Variants in ZNF577 observed in about 807,000 individuals in gnomAD.
The protein encoded by ZNF577 is zinc finger protein 577.
A neutral mutation model predicts 13.9 loss-of-function variants in ZNF577; 14 were observed. The observed-to-expected ratio is 1.00, with a 90% CI of 0.66 to 1.57. ZNF577 has a LOEUF of 1.57. Among genes scored for constraint, ZNF577 ranks in the 40% most tolerant of loss-of-function variants. The probability of loss-of-function intolerance (pLI) is 0.00; values close to 1 mark genes in which losing one functional copy is unlikely to be tolerated. For missense variants in ZNF577, 555 were observed against 579.2 expected, an observed-to-expected ratio of 0.96 and a Z score of 0.43; for synonymous variants, 203 against 202.9, an observed-to-expected ratio of 1.00 and a Z score of 0.00.
At chr19:51,860,913 G>C (rs907828318) in intron 5 of ZNF577, 5 of 410,850 alleles carry the variant, frequency 1.2e-5, no homozygotes, top group Non-Finnish European at 1.9e-5. Context: ...CCTGCAATGA[G>C]GTGTGATTCT....
chr19:51,818,407 T>C (rs771258479), intron 9 of ZNF577, among the ~76,000 whole-genome samples: 4 of 152,180 alleles, frequency 2.6e-5, no homozygotes, highest in South Asian at 2.1e-4. Flanking sequence ...TGTGTTTCCA[T>C]TGGACAGTGC....
intron 1 of ZNF577, among the ~76,000 whole-genome samples, chr19:51,881,938 A>G (rs1489182369): frequency 6.6e-6 from 1 of 152,176 alleles, no homozygotes; most frequent in Non-Finnish European, 1.5e-5. Flanking sequence ...GTCATTCTCA[A>G]GACTCTCTAG....
chr19:51,853,925 G>T (rs10424176), intron 5 of ZNF577, among the ~76,000 whole-genome samples: 1 of 151,908 alleles, frequency 6.6e-6, no homozygotes, highest in African/African-American at 2.4e-5. Context: ...TAGTTCAGTC[G>T]AAAGAAGCAA....
At chr19:51,814,938 T>G (rs139877795) in intron 9 of ZNF577, among the ~76,000 whole-genome samples, 1 of 151,896 alleles carries the variant, frequency 6.6e-6, no homozygotes, top group Non-Finnish European at 1.5e-5. Flanking sequence ...GCCTCCAAAG[T>G]AGCTGGGACT....
At chr19:51,828,543 C>A (rs964747657) in intron 9 of ZNF577, among the ~76,000 whole-genome samples, 1 of 152,158 alleles carries the variant, frequency 6.6e-6, no homozygotes, top group Non-Finnish European at 1.5e-5. Context: ...TAGAACAGTG[C>A]CTGCTACATC....
intron 3 of ZNF577, 192 bp from the exon 4 acceptor site, chr19:51,878,707 A>G: frequency 1.9e-6 from 1 of 518,886 alleles, no homozygotes; most frequent in South Asian, 3.1e-5. Flanking sequence ...TAGCATAGAT[A>G]TGAAACAACA....
chr19:51,843,455 C>G (rs983519451), intron 6 of ZNF577: 4 of 152,176 alleles, frequency 2.6e-5, no homozygotes, highest in Admixed American at 2.6e-4. Flanking sequence ...TTGGTTTGCA[C>G]TTTGTGAGTG....
At chr19:51,810,856 T>C (rs187153669) in intron 10 of ZNF577, among the ~76,000 whole-genome samples, 2 of 152,302 alleles carry the variant, frequency 1.3e-5, no homozygotes, top group Admixed American at 1.3e-4. Flanking sequence ...TGTGGATTGT[T>C]GGGATCAGGC....
intron 9 of ZNF577, among the ~76,000 whole-genome samples, chr19:51,823,242 C>T (rs962172625): frequency 6.6e-6 from 1 of 152,092 alleles, no homozygotes; most frequent in African/African-American, 2.4e-5. Context: ...AACCCTAAAA[C>T]TTCAAATTAA....
chr19:51,821,463 G>C (rs1246977873), intron 9 of ZNF577, among the ~76,000 whole-genome samples: 1 of 152,112 alleles, frequency 6.6e-6, no homozygotes, highest in African/African-American at 2.4e-5. Context: ...ACTGTGCACA[G>C]AACAGTCCCC....
chr19:51,863,633 G>A (rs1568444172), downstream of ZNF577, among the ~76,000 whole-genome samples: 1 of 152,140 alleles, frequency 6.6e-6, no homozygotes, highest in Non-Finnish European at 1.5e-5. Context: ...CAAAAAGAAT[G>A]TGCAAGAATT....
At chr19:51,829,579 T>C (rs907565551) in intron 9 of ZNF577, among the ~76,000 whole-genome samples, 1 of 152,110 alleles carries the variant, frequency 6.6e-6, no homozygotes, top group Admixed American at 6.5e-5. Flanking sequence ...CTTACAACTT[T>C]TCCCACCATC....
At position 51,838,495 on chromosome 19, in the gene ZNF577, A is replaced by T. The variant is rs201332637; in HGVS notation, c.*599+1398T>A. Among the ~76,000 whole-genome samples, 184 of 150,162 alleles carry T rather than the reference A, an allele frequency of 1.2e-3. 1 individual carries two copies. In the South Asian group the frequency reaches 0.017, roughly 14 times the overall value. ...CCTAGAACTTAAAGTATAATAAAAA[A>T]TTTTTTTTTAAAATAGCCATTCTCC... is the stretch of plus-strand genomic sequence containing the variant. On this transcript the variant is annotated intron_variant and NMD_transcript_variant, in intron 9 of 10. Transcript: ENST00000638827.
At chr19:51,830,565 G>A (rs1289678233) in intron 9 of ZNF577, among the ~76,000 whole-genome samples, 4 of 152,216 alleles carry the variant, frequency 2.6e-5, no homozygotes, top group African/African-American at 9.7e-5. Context: ...ATCCAATGGA[G>A]TAAATCTAAG....
chr19:51,887,767 G>A lies in ZNF577; in HGVS notation c.-1165C>T, dbSNP rs1599882816. The A allele has an allele frequency of 2.0e-5, 3 of 151,210 alleles. No homozygotes were observed. In the South Asian group the frequency reaches 6.3e-4, roughly 32 times the overall value. The allele number at this position is 151,210 out of a possible 1,614,324, so 9.4% of individuals were successfully genotyped here. ...CGCAACACGGACCTCACGCGCTAGC[G>A]AACAACAGAAAAAAAAAAGCGCGCT... On this transcript the variant is annotated 5_prime_UTR_variant, in exon 1 of 6. Coordinates refer to ENST00000638348, the MANE Select transcript of ZNF577 (RefSeq NM_001370449.1).
intron 5 of ZNF577, among the ~76,000 whole-genome samples, chr19:51,855,367 CTGTGTGTG>C (rs55937420): frequency 0.093 from 13,402 of 143,494 alleles, 682 homozygotes; most frequent in South Asian, 0.15. Context: ...GCTGAGGGTG[CTGTGTGTG>C]TGTGTGTGTG....
In ZNF577 at chr19:51,855,381, G is replaced by A. The variant is rs570627125; in HGVS notation, c.284-10450C>T. Among the ~76,000 whole-genome samples the A allele has an allele frequency of 1.9e-4, 26 of 138,976 alleles. No homozygotes were observed. The South Asian group carries it at 4.0e-3, about 21-fold the overall frequency. The allele number at this position is 138,976 out of a possible 152,430, so 91.2% of individuals were successfully genotyped here. A position where few individuals can be genotyped will look rare whatever the true frequency, so the allele number is the denominator to read the frequency against. On this transcript the variant is annotated intron_variant and NMD_transcript_variant, in intron 5 of 10. Coordinates refer to the ZNF577 transcript ENST00000638827. ...TGCTGAGGGTGCTGTGTGTGTGTGT[G>A]TGTGTGTGTGTGTGTGTGTGTGTGT...
chr19:51,881,370 C>T (rs368141227), intron 1 of ZNF577, among the ~76,000 whole-genome samples: 26 of 151,968 alleles, frequency 1.7e-4, no homozygotes, highest in African/African-American at 5.1e-4. Context: ...AAATCACCAC[C>T]GGCAGCCACA....
chr19:51,827,098 G>C (rs1258860031), intron 9 of ZNF577, among the ~76,000 whole-genome samples: 1 of 152,148 alleles, frequency 6.6e-6, no homozygotes, highest in African/African-American at 2.4e-5. Context: ...CATTTTAGCA[G>C]AATTCAGACT....
Sources: allele counts gnomAD v4.1 joint callset (sites outside exome capture counted in the v4.1 genomes callset), GRCh38; gene constraint gnomAD v4.1.1; transcripts MANE v1.5; gene names NCBI Gene and HGNC (gene_info 2026-07-23, HGNC 2026-07-21).